CCDC73: variants seen among roughly 807,000 people sequenced by gnomAD.
CCDC73 encodes the protein coiled-coil domain-containing protein 73.
A neutral mutation model predicts 116.5 loss-of-function variants in CCDC73; 95 were observed. The observed-to-expected ratio is 0.82, with a 90% confidence interval of 0.69 to 0.97. The LOEUF (loss-of-function observed/expected upper bound fraction) is 0.97. CCDC73 is among the 50% of genes least tolerant of loss of function. The pLI is 0.00. For synonymous variants in CCDC73, 398 were observed against 401.3 expected, an observed-to-expected ratio of 0.99 and a Z score of 0.10; for missense variants, 1,066 against 1,206.8, an observed-to-expected ratio of 0.88 and a Z score of 1.73.
intron 6 of CCDC73, among the ~76,000 whole-genome samples, chr11:32,692,548 T>A (rs1255409125): frequency 6.6e-6 from 1 of 152,136 alleles, no homozygotes; most frequent in Non-Finnish European, 1.5e-5. Context: ...AATAAAGTAA[T>A]AAAATAGAGC....
intron 2 of CCDC73, among the ~76,000 whole-genome samples, chr11:32,749,690 C>G (rs1339210200): frequency 6.6e-6 from 1 of 151,892 alleles, no homozygotes; most frequent in Non-Finnish European, 1.5e-5. Flanking sequence ...TTTGAAGGGA[C>G]CTGAGTGTTG....
At chr11:32,622,637 C>T (rs1855532318) in intron 14 of CCDC73, among the ~76,000 whole-genome samples, 2 of 128,030 alleles carry the variant, frequency 1.6e-5, no homozygotes, top group Non-Finnish European at 3.1e-5. Flanking sequence ...CAAACCTGCA[C>T]ATTCTCCACA....
chr11:32,703,017 T>C (rs1200032584), intron 3 of CCDC73, 73 bp from the exon 4 acceptor site: 2 of 1,005,580 alleles, frequency 2.0e-6, no homozygotes, highest in African/African-American at 1.6e-5. Flanking sequence ...CTTAACTAGG[T>C]TCACAATTTA....
intron 2 of CCDC73, among the ~76,000 whole-genome samples, chr11:32,757,235 A>C (rs890394700): frequency 2.0e-5 from 3 of 152,164 alleles, no homozygotes; most frequent in Admixed American, 1.3e-4. Flanking sequence ...TCTAGAACAG[A>C]GATAAGCTTA....
chr11:32,799,430 A>C (rs1850752820), upstream of CCDC73, among the ~76,000 whole-genome samples: 1 of 149,796 alleles, frequency 6.7e-6, no homozygotes, highest in Admixed American at 6.8e-5. Context: ...GGGTTTTATC[A>C]TATTTCCCAG....
chr11:32,816,153 T>C, the CCDC73 span, among the ~76,000 whole-genome samples: 17 of 152,290 alleles, frequency 1.1e-4, no homozygotes, highest in African/African-American at 3.9e-4. Flanking sequence ...GTTCCAGGTA[T>C]CTTTGAGACA....
chr11:32,664,489 T>C (rs111279359), intron 9 of CCDC73, among the ~76,000 whole-genome samples: 3,736 of 152,310 alleles, frequency 0.025, 141 homozygotes, highest in African/African-American at 0.083. Flanking sequence ...TAGTATTCTC[T>C]GATGGTAGTT....
In CCDC73 at chr11:32,755,887, A is replaced by C. The variant is rs567752750; in HGVS notation, c.135+4222T>G. On this transcript the variant is annotated intron_variant, in intron 2 of 17. Transcript: ENST00000335185. ...TATCTCCATATATATATCTGTGTAT[A>C]TATCTCCATATATATCTATATATAT... Among the ~76,000 whole-genome samples, 603 of 111,478 alleles carry C rather than the reference A, an allele frequency of 5.4e-3. 115 individuals are homozygous for C. Among genetic ancestry groups the C allele is most frequent in the African/African-American group, 0.021 (581 of 28,236 alleles). The allele number at this position is 111,478 out of a possible 152,430, so 73.1% of individuals were successfully genotyped here. A position where few individuals can be genotyped will look rare whatever the true frequency, so the allele number is the denominator to read the frequency against.
At chr11:32,817,886 T>G in the CCDC73 span, among the ~76,000 whole-genome samples, 260 of 152,138 alleles carry the variant, frequency 1.7e-3, 1 homozygote, top group African/African-American at 5.7e-3. Context: ...GTGCTACAAA[T>G]CTCCCCTCCC....
chr11:32,698,216 G>A (rs969789684), intron 6 of CCDC73, among the ~76,000 whole-genome samples: 2 of 151,476 alleles, frequency 1.3e-5, no homozygotes, highest in African/African-American at 2.4e-5. Context: ...AGTAGAGACG[G>A]GGTTTCACCG....
chr11:32,707,786 G>T (rs1849868260), intron 3 of CCDC73, among the ~76,000 whole-genome samples: 1 of 152,040 alleles, frequency 6.6e-6, no homozygotes, highest in Non-Finnish European at 1.5e-5. Context: ...TCCAAGGCTG[G>T]TTACTAAGAG....
Position 32,616,102 on chromosome 11 carries a change from T to C in CCDC73, c.1213A>G (p.Ser405Gly). 6.3e-7 allele frequency: 1 copy of C among 1,581,722 alleles called. No homozygotes were observed. Among genetic ancestry groups the C allele is most frequent in the South Asian group, 1.2e-5 (1 of 84,098 alleles). ...QNVPEVNNENSEMSTEKSENT... is the reference protein window; with the variant it reads ...QNVPEVNNENGEMSTEKSENT... ...TCTGATTTTTCAGTTGACATTTCAC[T>C]GTTTTCATTATTTACTTCTGGAACA... The change falls in exon 15 of 18, where the codon AGT becomes GGT. Residue 405 changes from serine (S) to glycine (G), a missense_variant. By Grantham distance (56) the Ser-to-Gly change is moderately conservative. Coordinates refer to ENST00000335185, the MANE Select transcript of CCDC73 (RefSeq NM_001008391.4).
At chr11:32,811,775 C>A in the CCDC73 span, among the ~76,000 whole-genome samples, 4 of 152,060 alleles carry the variant, frequency 2.6e-5, no homozygotes, top group African/African-American at 9.7e-5. Flanking sequence ...GAGGACAGCA[C>A]CAAGCCATTC....
intron 1 of CCDC73, among the ~76,000 whole-genome samples, chr11:32,783,830 A>G (rs1850603884): frequency 6.6e-6 from 1 of 152,170 alleles, no homozygotes; most frequent in South Asian, 2.1e-4. Flanking sequence ...AAAGAGAGGA[A>G]AGGAACCCTA....
Position 32,656,170 on chromosome 11 carries a change from T to C in CCDC73, c.646-1198A>G, listed in dbSNP as rs373339804. On this transcript the variant is annotated intron_variant, in intron 9 of 17. Transcript: ENST00000335185. The stretch of plus-strand genomic sequence containing the variant: ...TCGGCTCACTGCAAGCTCCGCCTCC[T>C]GGGTTTGTGCCATTCTTCTGCCTCA... 3.3e-5 allele frequency among the ~76,000 whole-genome samples: 5 copies of C among 151,968 alleles called. No individual in the cohort carries two copies. The South Asian group carries it at 8.3e-4, about 25-fold the overall frequency.
At chr11:32,667,587 ATTCCCTGACCCCTTGCAC>A (rs1006519270) in intron 9 of CCDC73, among the ~76,000 whole-genome samples, 2 of 152,136 alleles carry the variant, frequency 1.3e-5, no homozygotes, top group Non-Finnish European at 2.9e-5. Context: ...AGGAAAGGGA[ATTCCCTGACCCCTTGCAC>A]TTCCCTGGTG....
chr11:32,679,704 A>G (rs1679158116), intron 7 of CCDC73, among the ~76,000 whole-genome samples: 1 of 152,136 alleles, frequency 6.6e-6, no homozygotes, highest in Non-Finnish European at 1.5e-5. Flanking sequence ...ATCAATATTT[A>G]CGTAGCCTTC....
chr11:32,742,849 G>T (rs1850200760), intron 2 of CCDC73, among the ~76,000 whole-genome samples: 1 of 152,048 alleles, frequency 6.6e-6, no homozygotes, highest in Non-Finnish European at 1.5e-5. Context: ...GTAAGGAAGG[G>T]GTCCAGTTTC....
At chr11:32,693,974 A>G (rs1023889602) in intron 6 of CCDC73, among the ~76,000 whole-genome samples, 3 of 152,250 alleles carry the variant, frequency 2.0e-5, no homozygotes, top group Admixed American at 6.5e-5. Flanking sequence ...AATGGGCAAA[A>G]ACTGGAAGCA....
Sources: gnomAD v4.1 joint callset for allele counts (sites outside exome capture counted in the v4.1 genomes callset) on GRCh38, gnomAD v4.1.1 for gene constraint, MANE v1.5 for transcripts, NCBI Gene and HGNC (gene_info 2026-07-23, HGNC 2026-07-21) for gene names.